The following CAGE1 variants were observed in gnomAD, a reference collection of about 807,000 sequenced individuals.
CAGE1 encodes the protein cancer antigen 1.
Under a neutral mutation model 94.9 loss-of-function variants are expected in CAGE1, and 66 were observed. The ratio of observed to expected loss-of-function variants is 0.70; its 90% confidence interval spans 0.57 to 0.85. The LOEUF (loss-of-function observed/expected upper bound fraction) is 0.85, where lower values mean the gene tolerates loss of function less well. Among genes scored for constraint, CAGE1 ranks in the 40% least tolerant of loss-of-function variants. The probability of loss-of-function intolerance (pLI) is 0.00; values close to 1 mark genes in which losing one functional copy is unlikely to be tolerated. For missense variants in CAGE1, 865 were observed against 950.4 expected, an observed-to-expected ratio of 0.91 and a Z score of 1.18; for synonymous variants, 319 against 321.0, an observed-to-expected ratio of 0.99 and a Z score of 0.07.
Position 7,326,726 on chromosome 6 carries a change from G to T in CAGE1, c.*132C>A. On this transcript the variant is annotated 3_prime_UTR_variant, in exon 14 of 14. Coordinates refer to ENST00000502583, the MANE Select transcript of CAGE1 (RefSeq NM_001170692.2). ...TTAGAAGAAAAGTAATCACATCTTT[G>T]GAATGTAAGACTTTACCCTTTATAC... 1.4e-6 allele frequency: 1 copy of T among 701,980 alleles called. No individual in the cohort carries two copies. The allele number at this position is 701,980 out of a possible 1,614,324, so 43.5% of individuals were successfully genotyped here.
chr6:7,329,148 G>T, intron 13 of CAGE1: 1 of 377,672 alleles, frequency 2.6e-6, no homozygotes, highest in South Asian at 1.0e-4. Flanking sequence ...GGTCAGGCTG[G>T]TCTTGAACTC....
In CAGE1 at chr6:7,373,629, T is replaced by C. The variant is rs185029616; in HGVS notation, c.1190A>G (p.Gln397Arg). The change falls in exon 5 of 14, where the codon CAG becomes CGG. Residue 397 changes from glutamine (Q) to arginine (R), a missense_variant. Transcript: ENST00000502583. ...EVLANTQKHL[Q>R]ESRNDKEMLQ... is the part of the protein sequence containing the mutation. ...CATTTCCTTGTCATTCCTGGATTCC[T>C]GAAGATGTTTTTGCGTGTTAGCTAA... is the stretch of plus-strand genomic sequence containing the variant. 55 of 1,613,486 alleles carry C rather than the reference T, an allele frequency of 3.4e-5. No individual in the cohort carries two copies. The highest frequency in any genetic ancestry group is 1.8e-4 in the Admixed American group (11 of 60,016).
At chr6:7,327,079 G>T (rs1467951436) in intron 13 of CAGE1, among the ~76,000 whole-genome samples, 180 bp from the exon 14 acceptor site, 1 of 152,148 alleles carries the variant, frequency 6.6e-6, no homozygotes, top group African/African-American at 2.4e-5. Flanking sequence ...TTGAGACAGA[G>T]TCTCACTCTG....
intron 11 of CAGE1, among the ~76,000 whole-genome samples, chr6:7,345,037 A>G (rs1192267556): frequency 6.6e-6 from 1 of 152,210 alleles, no homozygotes; most frequent in South Asian, 2.1e-4. Flanking sequence ...CAGGGTGCCC[A>G]AGCCAGCAGC....
intron 1 of CAGE1, 129 bp downstream of exon 1, chr6:7,389,073 G>A (rs1280211605): frequency 3.1e-6 from 1 of 319,948 alleles, no homozygotes; most frequent in Non-Finnish European, 6.4e-6. Context: ...TTTATCAAAT[G>A]TTTGAATAGA....
At chr6:7,377,852 C>A (rs934642939) in intron 4 of CAGE1, among the ~76,000 whole-genome samples, 1 of 152,162 alleles carries the variant, frequency 6.6e-6, no homozygotes, top group African/African-American at 2.4e-5. Flanking sequence ...TCAGAAAGTA[C>A]ACAGAATATA....
chr6:7,369,983 G>T lies in CAGE1; in HGVS notation c.1829C>A (p.Ala610Asp), dbSNP rs755904610. Residue 610 changes from alanine (A) to aspartate (D), a missense_variant, in exon 6 of 14, where the codon GCT (alanine) becomes GAT (aspartate). Physicochemically the swap from Ala to Asp is moderately radical, Grantham distance 126. Coordinates refer to ENST00000502583, the MANE Select transcript of CAGE1 (RefSeq NM_001170692.2). The part of the protein sequence containing the change: ...ERLNPADIKR[A>D]SQLASKMHSL... ...GTGCATTTTGGAGGCCAGCTGAGAA[G>T]CTCTTTTTATATCTGCAGGATTCAG... 1.2e-6 allele frequency: 2 copies of T among 1,613,786 alleles called. No individual in the cohort carries two copies. The highest frequency in any genetic ancestry group is 1.7e-6 in the Non-Finnish European group (2 of 1,179,766).
At chr6:7,334,212 C>T in intron 11 of CAGE1, 122 bp from the exon 12 acceptor site, 1 of 572,704 alleles carries the variant, frequency 1.7e-6, no homozygotes, top group Non-Finnish European at 3.0e-6. Context: ...ATATGCTATC[C>T]AACCACCTAA....
chr6:7,368,461 A>C (rs1347853099), intron 7 of CAGE1, among the ~76,000 whole-genome samples: 1 of 152,086 alleles, frequency 6.6e-6, no homozygotes, highest in Non-Finnish European at 1.5e-5. Flanking sequence ...AAAATTTATC[A>C]TACTAAATTT....
intron 5 of CAGE1, among the ~76,000 whole-genome samples, chr6:7,370,895 T>C (rs1032018067): frequency 6.6e-6 from 1 of 152,100 alleles, no homozygotes; most frequent in Non-Finnish European, 1.5e-5. Context: ...CAGACCATAT[T>C]TGGAGTAAAC....
At chr6:7,346,128 A>C (rs1759520824) in intron 11 of CAGE1, among the ~76,000 whole-genome samples, 2 of 152,244 alleles carry the variant, frequency 1.3e-5, no homozygotes, top group South Asian at 4.1e-4. Flanking sequence ...GGAATAAAAG[A>C]ATGGCTACTC....
rs1370829086 is a variant in CAGE1, at chr6:7,362,064, T to G, written c.2193+3404A>C. 6.6e-6 allele frequency among the ~76,000 whole-genome samples: 1 copy of G among 152,216 alleles called. No individual in the cohort carries two copies. Among genetic ancestry groups the G allele is most frequent in the Non-Finnish European group, 1.5e-5 (1 of 68,032 alleles). ...TTTTCTTTTGGCTCACTTGGAAAAT[T>G]TTTCCTAAAGCAGTAATTTTCTACT... On this transcript the variant is annotated intron_variant, in intron 9 of 13. Transcript: ENST00000502583. The surrounding 1 kb of genome is among the most constrained non-coding windows in gnomAD (Gnocchi z 4.1).
chr6:7,369,865 A>G, intron 6 of CAGE1, 54 bp downstream of exon 6: 1 of 1,492,138 alleles, frequency 6.7e-7, no homozygotes, highest in African/African-American at 1.4e-5. Context: ...TTTTTGTCCA[A>G]CCCCAGTATT....
At chr6:7,340,964 G>C in intron 11 of CAGE1, 1 of 436,822 alleles carries the variant, frequency 2.3e-6, no homozygotes, top group Non-Finnish European at 4.5e-6. Context: ...CTTTGCCACA[G>C]GATAACAACA....
At chr6:7,380,132 C>A (rs187431467) in intron 3 of CAGE1, among the ~76,000 whole-genome samples, 17 of 152,148 alleles carry the variant, frequency 1.1e-4, no homozygotes, top group Admixed American at 4.6e-4. Context: ...CAAAAACCTA[C>A]CTTTACAAAT....
At chr6:7,372,554 C>T (rs114342411) in intron 5 of CAGE1, among the ~76,000 whole-genome samples, 2,804 of 152,070 alleles carry the variant, frequency 0.018, 93 homozygotes, top group African/African-American at 0.064. Flanking sequence ...TAATGGCCAC[C>T]TCTACCAAAA....
chr6:7,341,790 ATT>A (rs1176047781), intron 11 of CAGE1: 1 of 682,874 alleles, frequency 1.5e-6, no homozygotes, highest in Non-Finnish European at 2.8e-6. Flanking sequence ...AGCAGCAGCC[ATT>A]TAGAACAACC....
At chr6:7,386,293 T>C (rs564571533) in intron 2 of CAGE1, among the ~76,000 whole-genome samples, 1 of 152,238 alleles carries the variant, frequency 6.6e-6, no homozygotes, top group Non-Finnish European at 1.5e-5. Context: ...AATTCCTATT[T>C]AGTGGAATCA....
In CAGE1 at chr6:7,389,454, C is replaced by A; in HGVS notation, c.-276G>T. ...CGCCCCTGTGTGACGTCCGCCCGCG[C>A]CGGGGGAACTCCGCAGAGACAGGTG... On this transcript the variant is annotated 5_prime_UTR_variant, in exon 1 of 14. Coordinates refer to ENST00000502583, the MANE Select transcript of CAGE1 (RefSeq NM_001170692.2). The A allele has an allele frequency of 2.5e-6, 1 of 406,494 alleles. No homozygotes were observed. The highest frequency in any genetic ancestry group is 1.7e-5 in the South Asian group (1 of 58,196). 25.2% of individuals were successfully genotyped at this position (406,494 alleles called of 1,614,324 possible). A position where few individuals can be genotyped will look rare whatever the true frequency, so the allele number is the denominator to read the frequency against.
Sources: gnomAD v4.1 joint callset for allele counts (sites outside exome capture counted in the v4.1 genomes callset) on GRCh38, gnomAD v4.1.1 for gene constraint, Gnocchi (gnomAD v3.1) non-coding constraint, MANE v1.5 for transcripts, NCBI Gene and HGNC (gene_info 2026-07-23, HGNC 2026-07-21) for gene names.